Variants in RARB observed in about 807,000 individuals in gnomAD.
RARB encodes the protein HBV-activated protein.
In RARB, 17 loss-of-function variants were observed where a neutral mutation model predicts 51.9. The observed-to-expected ratio is 0.33, with a 90% confidence interval of 0.22 to 0.49. RARB has a LOEUF of 0.49. RARB is among the 20% of genes least tolerant of loss of function. The probability of loss-of-function intolerance (pLI) is 0.99; values close to 1 mark genes in which losing one functional copy is unlikely to be tolerated. For synonymous variants in RARB, 215 were observed against 195.4 expected (o/e 1.10, Z -0.84); for missense variants, 369 against 550.8 (o/e 0.67, Z 3.30).
intron 2 of RARB, among the ~76,000 whole-genome samples, chr3:25,475,599 T>C (rs1012217938): frequency 1.4e-4 from 21 of 152,172 alleles, no homozygotes; most frequent in Non-Finnish European, 2.1e-4. Context: ...CACTTACTTC[T>C]TTTTCTTCAA....
At chr3:24,925,417 A>G (rs1338092889) in intron 2 of RARB, among the ~76,000 whole-genome samples, 1 of 151,838 alleles carries the variant, frequency 6.6e-6, no homozygotes, top group Non-Finnish European at 1.5e-5. Flanking sequence ...CTGAATATGG[A>G]GGGTTGCATG....
intron 2 of RARB, among the ~76,000 whole-genome samples, chr3:24,996,409 AT>A (rs1697040927): frequency 6.6e-6 from 1 of 151,860 alleles, no homozygotes. Flanking sequence ...TTCACAAAAG[AT>A]TTTTGTTTTA....
chr3:24,934,486 T>C (rs1372476671), intron 2 of RARB, among the ~76,000 whole-genome samples: 1 of 152,156 alleles, frequency 6.6e-6, no homozygotes, highest in African/African-American at 2.4e-5. Flanking sequence ...AAATTTCTTT[T>C]ATGAAACTGA....
At chr3:25,106,028 A>G (rs1699492822) in intron 3 of RARB, among the ~76,000 whole-genome samples, 1 of 152,164 alleles carries the variant, frequency 6.6e-6, no homozygotes, top group Non-Finnish European at 1.5e-5. Flanking sequence ...CTACCCCAGA[A>G]TGACAACAGT....
At chr3:25,529,946 G>T (rs889473209) in intron 3 of RARB, among the ~76,000 whole-genome samples, 1 of 152,152 alleles carries the variant, frequency 6.6e-6, no homozygotes, top group African/African-American at 2.4e-5. Context: ...TCGGGTTAGG[G>T]TCAGATTGTT....
chr3:25,200,689 T>G (rs1375493807), intron 5 of RARB, among the ~76,000 whole-genome samples: 1 of 152,100 alleles, frequency 6.6e-6, no homozygotes, highest in Admixed American at 6.5e-5. Context: ...CACCATTTAT[T>G]AAATAGGTAA....
intron 5 of RARB, among the ~76,000 whole-genome samples, chr3:25,263,979 GA>G (rs1703066516): frequency 6.6e-6 from 1 of 152,098 alleles, no homozygotes; most frequent in African/African-American, 2.4e-5. Context: ...AAAGGCAAGG[GA>G]TATCAGGAGG....
chr3:25,072,382 C>T (rs887269517), intron 3 of RARB, among the ~76,000 whole-genome samples: 9 of 152,132 alleles, frequency 5.9e-5, no homozygotes, highest in Admixed American at 5.9e-4. Context: ...AGAGTTCACT[C>T]TGTAACCCCA....
chr3:25,105,398 A>G (rs1278246108), intron 3 of RARB, among the ~76,000 whole-genome samples: 1 of 149,938 alleles, frequency 6.7e-6, no homozygotes, highest in Non-Finnish European at 1.5e-5. Context: ...AAAAGAAGTG[A>G]CAGCTGTTTA....
chr3:25,145,850 A>T (rs1384899678), intron 4 of RARB, among the ~76,000 whole-genome samples: 1 of 141,090 alleles, frequency 7.1e-6, no homozygotes, highest in South Asian at 2.3e-4. Context: ...ACAAAAAAAA[A>T]TATTAACCAG....
intron 2 of RARB, among the ~76,000 whole-genome samples, chr3:24,894,300 G>A (rs1703439926): frequency 1.5e-5 from 2 of 132,968 alleles, no homozygotes; most frequent in Non-Finnish European, 3.1e-5. Flanking sequence ...CTACCATCTA[G>A]TGGCCCCATC....
chr3:25,298,784 C>G (rs1268272524), intron 5 of RARB, among the ~76,000 whole-genome samples: 1 of 152,122 alleles, frequency 6.6e-6, no homozygotes. Flanking sequence ...TAATAACTTA[C>G]GTTTACAACC....
chr3:24,957,351 A>G (rs1696038975), intron 2 of RARB, among the ~76,000 whole-genome samples: 1 of 152,192 alleles, frequency 6.6e-6, no homozygotes, highest in African/African-American at 2.4e-5. Context: ...TCAAGTTTTA[A>G]CAAAAATCAT....
chr3:24,979,138 C>A (rs1293616509), intron 2 of RARB, among the ~76,000 whole-genome samples: 2 of 152,186 alleles, frequency 1.3e-5, no homozygotes, highest in Admixed American at 1.3e-4. Flanking sequence ...GATTTCTGTT[C>A]TCTTACATTT....
chr3:25,030,725 G>A (rs1186583393), intron 2 of RARB, among the ~76,000 whole-genome samples: 1 of 152,172 alleles, frequency 6.6e-6, no homozygotes, highest in Non-Finnish European at 1.5e-5. Context: ...ACTGGGCCCT[G>A]CTGAAGATCT....
intron 2 of RARB, among the ~76,000 whole-genome samples, chr3:25,472,346 G>A (rs940439126): frequency 7.2e-5 from 11 of 152,164 alleles, no homozygotes; most frequent in African/African-American, 2.7e-4. Context: ...AAAAGCCCCG[G>A]CCAAGAATGG....
At chr3:25,452,714 C>T (rs1403054984) in intron 1 of RARB, among the ~76,000 whole-genome samples, 1 of 152,088 alleles carries the variant, frequency 6.6e-6, no homozygotes, top group Non-Finnish European at 1.5e-5. Flanking sequence ...ATTTACATCT[C>T]ATTTATAAAG....
intron 3 of RARB, among the ~76,000 whole-genome samples, chr3:25,123,332 T>C (rs532135554): frequency 1.3e-5 from 2 of 152,326 alleles, no homozygotes; most frequent in Non-Finnish European, 2.9e-5. Context: ...CATAGAATTT[T>C]GTAGGCTGCT....
At chr3:24,909,463 CAG>C (rs938773959) in intron 2 of RARB, among the ~76,000 whole-genome samples, 40 of 152,206 alleles carry the variant, frequency 2.6e-4, no homozygotes, top group Admixed American at 1.7e-3. Flanking sequence ...TATGAAAGAA[CAG>C]AGTGTGCACA....
Sources: gnomAD v4.1 joint callset for allele counts (sites outside exome capture counted in the v4.1 genomes callset) on GRCh38, gnomAD v4.1.1 for gene constraint, MANE v1.5 for transcripts, NCBI Gene and HGNC (gene_info 2026-07-23, HGNC 2026-07-21) for gene names.